The following PLPBP variants were observed in gnomAD, a reference collection of about 807,000 sequenced individuals.
The protein encoded by PLPBP is pyridoxal phosphate homeostasis protein.
A neutral mutation model predicts 31.2 loss-of-function variants in PLPBP; 21 were observed. The ratio of observed to expected loss-of-function variants is 0.67; its 90% CI spans 0.48 to 0.97. PLPBP has a LOEUF of 0.97. Among genes scored for constraint, PLPBP ranks in the 50% least tolerant of loss-of-function variants. The pLI, the probability that PLPBP is intolerant of heterozygous loss-of-function variation, is 0.00. For synonymous variants in PLPBP, 124 were observed against 135.6 expected, an observed-to-expected ratio of 0.91 and a Z score of 0.59; for missense variants, 308 against 354.4, an observed-to-expected ratio of 0.87 and a Z score of 1.05.
At chr8:37,776,054 T>TGGGGGTA in intron 7 of PLPBP, 38 bp downstream of exon 7, 1 of 1,568,764 alleles carries the variant, frequency 6.4e-7, no homozygotes, top group South Asian at 1.1e-5. Flanking sequence ...CCTCGAGGGG[T>TGGGGGTA]GGGGGTAGGG....
chr8:37,773,170 T>A (rs1031530949), intron 5 of PLPBP, among the ~76,000 whole-genome samples: 6 of 150,392 alleles, frequency 4.0e-5, no homozygotes, highest in Non-Finnish European at 7.4e-5. Context: ...TCGTTTTGTA[T>A]TTTTGTTTTT....
rs137918273 is a variant in PLPBP at position 37,775,793 on chromosome 8, G to A, written c.598-125G>A. On this transcript the variant is annotated intron_variant, in intron 6 of 7. Transcript: ENST00000328195. ...CAAAAAACCCTTTCAGTAACGTCTGGCAATTTTGGCAGGCCTTGAAATCAT... is the reference window on the plus strand; with the variant it reads ...CAAAAAACCCTTTCAGTAACGTCTGACAATTTTGGCAGGCCTTGAAATCAT... The A allele has an allele frequency of 1.1e-4, 115 of 1,047,522 alleles. No individual in the cohort carries two copies. In the African/African-American group the frequency reaches 1.6e-3, roughly 14 times the overall value. The allele number at this position is 1,047,522 out of a possible 1,614,324, so 64.9% of individuals were successfully genotyped here.
intron 4 of PLPBP, among the ~76,000 whole-genome samples, chr8:37,770,715 T>C (rs1479760509): frequency 6.6e-6 from 1 of 152,040 alleles, no homozygotes; most frequent in Non-Finnish European, 1.5e-5. Flanking sequence ...GTAGCTGGGA[T>C]TACAGGCACG....
At chr8:37,772,624 A>T (rs72641947) in intron 4 of PLPBP, 131 bp from the exon 5 acceptor site, 21,319 of 1,077,454 alleles carry the variant, frequency 0.02, 340 homozygotes, top group Middle Eastern at 0.077. Context: ...GTCTTCTCAG[A>T]GGAACTGAGA....
Position 37,779,287 on chromosome 8 carries a change from T to C in PLPBP, c.*1183T>C, listed in dbSNP as rs1487236148. On this transcript the variant is annotated 3_prime_UTR_variant, in exon 8 of 8. Coordinates refer to ENST00000328195, the MANE Select transcript of PLPBP (RefSeq NM_007198.4). The stretch of plus-strand genomic sequence containing the variant: ...TAAATCAAAACCCAGTGAATCTCAT[T>C]ACTCCTAAGAAACGAAAGATTCCTT... 1 of 152,200 alleles carries C rather than the reference T, an allele frequency of 6.6e-6. No individual in the cohort carries two copies. Among genetic ancestry groups the C allele is most frequent in the African/African-American group, 2.4e-5 (1 of 41,440 alleles). 9.4% of individuals were successfully genotyped at this position (152,200 alleles called of 1,614,324 possible).
upstream of PLPBP, chr8:37,762,641 C>T: frequency 6.4e-7 from 1 of 1,559,608 alleles, no homozygotes; most frequent in Non-Finnish European, 8.6e-7. Context: ...GCCTGGGGCT[C>T]GGCGTCGGTC....
chr8:37,772,913 A>G, intron 5 of PLPBP, 24 bp downstream of exon 5: 1 of 1,613,542 alleles, frequency 6.2e-7, no homozygotes, highest in Non-Finnish European at 8.5e-7. Context: ...CCTGAATTGT[A>G]GATTTTTCTT....
In PLPBP at chr8:37,765,539, T is replaced by A. The variant is rs766554553; in HGVS notation, c.113T>A (p.Ile38Asn). 5.0e-6 allele frequency: 8 copies of A among 1,613,922 alleles called. No homozygotes were observed. The highest frequency in any genetic ancestry group is 6.8e-6 in the Non-Finnish European group (8 of 1,179,934). The change falls in exon 2 of 8, where the codon ATC (isoleucine) becomes AAC (asparagine). Residue 38 changes from isoleucine to asparagine, a missense_variant. Ile to Asn is a moderately radical substitution (Grantham distance 149, BLOSUM62 -3). Transcript: ENST00000328195. ...VARRPRDLPA[I>N]QPRLVAVSKT... Reference sequence around the variant, plus strand: ...CCCTCTTGGCAGGATCTCCCAGCCATCCAGCCCCGGCTAGTGGCGGTCAGC... The same window carrying A: ...CCCTCTTGGCAGGATCTCCCAGCCAACCAGCCCCGGCTAGTGGCGGTCAGC...
At chr8:37,764,941 T>A (rs1803582025) in intron 1 of PLPBP, among the ~76,000 whole-genome samples, 3 of 152,100 alleles carry the variant, frequency 2.0e-5, no homozygotes, top group Admixed American at 1.3e-4. Context: ...GAGGCCGAAG[T>A]GGGCAGATCA....
At chr8:37,768,629 C>T (rs903782171) in intron 4 of PLPBP, among the ~76,000 whole-genome samples, 1 of 151,944 alleles carries the variant, frequency 6.6e-6, no homozygotes, top group South Asian at 2.1e-4. Flanking sequence ...CCCACCACCA[C>T]GCCCAGCTAA....
chr8:37,773,324 C>T (rs758878718), intron 5 of PLPBP, among the ~76,000 whole-genome samples: 9 of 151,340 alleles, frequency 5.9e-5, no homozygotes, highest in Non-Finnish European at 8.8e-5. Flanking sequence ...TGCACCACCA[C>T]GCCTGGCTAA....
chr8:37,762,672 G>C lies in PLPBP; in HGVS notation c.13G>C (p.Gly5Arg). The change falls in exon 1 of 8, where the codon GGC becomes CGC. Residue 5 changes from glycine (G) to arginine (R), a missense_variant. Physicochemically the swap from Gly to Arg is moderately radical, Grantham distance 125. Coordinates refer to ENST00000328195, the MANE Select transcript of PLPBP (RefSeq NM_007198.4). Reference sequence around the variant, plus strand: ...CGGTCCCCGGGGGATGTGGAGAGCTGGCAGCATGTCGGCCGAGCTGGGAGT... The same window carrying C: ...CGGTCCCCGGGGGATGTGGAGAGCTCGCAGCATGTCGGCCGAGCTGGGAGT... MWRA[G>R]SMSAELGVGC... The C allele has an allele frequency of 6.3e-7, 1 of 1,585,222 alleles. No individual in the cohort carries two copies.
intron 7 of PLPBP, among the ~76,000 whole-genome samples, chr8:37,777,255 CAG>C (rs1490707326): frequency 6.6e-6 from 1 of 152,162 alleles, no homozygotes; most frequent in Non-Finnish European, 1.5e-5. Flanking sequence ...TTTCTTAAAA[CAG>C]TGCAAAAATA....
chr8:37,779,201 C>T lies in PLPBP; in HGVS notation c.*1097C>T, dbSNP rs1803999388. 1 of 152,172 alleles carries T rather than the reference C, an allele frequency of 6.6e-6. No homozygotes were observed. 9.4% of individuals were successfully genotyped at this position (152,172 alleles called of 1,614,324 possible). ...GGACTTTGCGTTTTTCCTCTGGGAC[C>T]TACAGTGATGAGAATTTAATGATTA... On this transcript the variant is annotated 3_prime_UTR_variant, in exon 8 of 8. Transcript: ENST00000328195.
rs2129819721 is a variant in PLPBP, at chr8:37,778,009, A to G, written c.733A>G (p.Thr245Ala). ...VGSTNVRIGS[T>A]IFGERDYSKK... is the part of the protein sequence containing the mutation. ...ATCTACAAATGTCCGAATAGGAAGC[A>G]CGATTTTTGGAGAGCGGGATTACTC... Residue 245 changes from threonine to alanine, a missense_variant, in exon 8 of 8, where the codon ACG becomes GCG. By Grantham distance (58) the Thr-to-Ala change is moderately conservative. Around this residue, in one of 2 missense-constraint regions of PLPBP, gnomAD observed 188 missense variants for 259.3 expected, o/e 0.73. Coordinates refer to ENST00000328195, the MANE Select transcript of PLPBP (RefSeq NM_007198.4). The G allele has an allele frequency of 1.9e-6, 3 of 1,613,588 alleles. No homozygotes were observed. The highest frequency in any genetic ancestry group is 3.3e-4 in the Middle Eastern group (2 of 6,058).
At chr8:37,762,583 G>C (rs1427455431), upstream of PLPBP, 1 of 1,516,038 alleles carries the variant, frequency 6.6e-7, no homozygotes, top group East Asian at 2.5e-5. Flanking sequence ...TTCACACGGC[G>C]CAAGCTGGGC....
intron 4 of PLPBP, among the ~76,000 whole-genome samples, chr8:37,770,473 T>A (rs2129792046): frequency 6.6e-6 from 1 of 152,292 alleles, no homozygotes; most frequent in South Asian, 2.1e-4. Context: ...TGTACAAAAA[T>A]CAAATCAAAA....
chr8:37,765,907 A>C (rs542997862), intron 3 of PLPBP, among the ~76,000 whole-genome samples, 161 bp downstream of exon 3: 4 of 152,256 alleles, frequency 2.6e-5, no homozygotes, highest in African/African-American at 9.6e-5. Context: ...GCCCCAAGTA[A>C]TTCTCAGCTA....
chr8:37,765,350 C>T (rs1315997133), intron 1 of PLPBP, among the ~76,000 whole-genome samples, 176 bp from the exon 2 acceptor site: 5 of 152,208 alleles, frequency 3.3e-5, no homozygotes, highest in Admixed American at 6.5e-5. Flanking sequence ...GCCTAAAAAA[C>T]ATTTGATCAT....
Sources: allele counts gnomAD v4.1 joint callset (sites outside exome capture counted in the v4.1 genomes callset), GRCh38; gene constraint gnomAD v4.1.1; regional missense constraint gnomAD v4.1.1; transcripts MANE v1.5; gene names NCBI Gene and HGNC (gene_info 2026-07-23, HGNC 2026-07-21).